The following EDIL3 variants were observed in gnomAD, a reference collection of about 807,000 sequenced individuals.
The protein encoded by EDIL3 is EGF like and discoidin domains 3.
Under a neutral mutation model 67.4 loss-of-function variants are expected in EDIL3, and 37 were observed. The ratio of observed to expected loss-of-function variants is 0.55; its 90% CI spans 0.42 to 0.72. The LOEUF (loss-of-function observed/expected upper bound fraction) is 0.72, where lower values mean the gene tolerates loss of function less well. EDIL3 is among the 30% of genes least tolerant of loss of function. The probability of loss-of-function intolerance (pLI) is 0.00; values close to 1 mark genes in which losing one functional copy is unlikely to be tolerated. For missense variants in EDIL3, 527 were observed against 586.3 expected (o/e 0.90, Z 1.04); for synonymous variants, 195 against 196.3 (o/e 0.99, Z 0.05).
chr5:84,301,532 T>C (rs938069456), intron 1 of EDIL3, among the ~76,000 whole-genome samples: 9 of 152,186 alleles, frequency 5.9e-5, no homozygotes, highest in African/African-American at 2.2e-4. Flanking sequence ...AGAAATGGAA[T>C]GGTCAGCTCC....
At chr5:84,030,457 T>C (rs1033737737) in intron 9 of EDIL3, among the ~76,000 whole-genome samples, 2 of 151,856 alleles carry the variant, frequency 1.3e-5, no homozygotes, top group African/African-American at 4.9e-5. Flanking sequence ...TAAAAATGTC[T>C]TGTCTACTAA....
At chr5:84,117,935 ATGAGAATAGTGAC>A in intron 5 of EDIL3, among the ~76,000 whole-genome samples, 1 of 152,288 alleles carries the variant, frequency 6.6e-6, no homozygotes, top group African/African-American at 2.4e-5. Flanking sequence ...TTTTGTACAA[ATGAGAATAGTGAC>A]TGAATTTTCT....
intron 1 of EDIL3, among the ~76,000 whole-genome samples, chr5:84,339,096 T>C (rs971195734): frequency 3.0e-4 from 46 of 151,862 alleles, no homozygotes; most frequent in Admixed American, 1.2e-3. Context: ...TTTCTATACG[T>C]ACCAGATGCT....
chr5:84,113,790 G>T (rs1747615557), intron 5 of EDIL3, among the ~76,000 whole-genome samples: 1 of 152,144 alleles, frequency 6.6e-6, no homozygotes, highest in South Asian at 2.1e-4. Flanking sequence ...TCTTCAGAAT[G>T]AAAGGATTTC....
In EDIL3 at chr5:84,380,472, A is replaced by G. The variant is rs181915528; in HGVS notation, c.67+3836T>C. 7.2e-5 allele frequency among the ~76,000 whole-genome samples: 11 copies of G among 152,234 alleles called. 1 individual carries two copies. Among genetic ancestry groups the G allele is most frequent in the African/African-American group, 2.6e-4 (11 of 41,576 alleles). On this transcript the variant is annotated intron_variant, in intron 1 of 10. Transcript: ENST00000296591. The stretch of plus-strand genomic sequence containing the variant: ...TTTTACTCAGTATCCAAATGTTATG[A>G]TTTACTTCTGACTTGAACTGAGTTC...
chr5:84,228,366 G>C (rs1744494299), intron 3 of EDIL3, among the ~76,000 whole-genome samples: 1 of 152,106 alleles, frequency 6.6e-6, no homozygotes, highest in African/African-American at 2.4e-5. Flanking sequence ...CATACAGACA[G>C]AGTCTTTGGG....
intron 9 of EDIL3, among the ~76,000 whole-genome samples, chr5:83,995,299 C>T (rs879490331): frequency 2.0e-5 from 3 of 152,024 alleles, no homozygotes; most frequent in Non-Finnish European, 4.4e-5. Context: ...AGCGGAGATT[C>T]ATCACATTTG....
chr5:83,957,451 TA>T (rs548956293), intron 10 of EDIL3, among the ~76,000 whole-genome samples: 13 of 151,866 alleles, frequency 8.6e-5, no homozygotes, highest in Middle Eastern at 3.4e-3. Context: ...TTCAAGGTAT[TA>T]AACATTCAAA....
chr5:83,970,255 A>ATT (rs1377872383), intron 9 of EDIL3, among the ~76,000 whole-genome samples: 18 of 28,110 alleles, frequency 6.4e-4, no homozygotes, highest in East Asian at 2.2e-3. Flanking sequence ...AGTGTCACTA[A>ATT]TTATATATAT....
chr5:84,012,914 C>A (rs1193163739), intron 9 of EDIL3, among the ~76,000 whole-genome samples: 1 of 151,850 alleles, frequency 6.6e-6, no homozygotes. Flanking sequence ...TATATAAAAT[C>A]TATTAGGTAT....
At chr5:83,995,871 C>T (rs114823063) in intron 9 of EDIL3, among the ~76,000 whole-genome samples, 292 of 152,286 alleles carry the variant, frequency 1.9e-3, no homozygotes, top group African/African-American at 6.8e-3. Flanking sequence ...TCTTGACAGA[C>T]ATATTTTTTA....
intron 9 of EDIL3, among the ~76,000 whole-genome samples, chr5:83,985,923 G>T (rs1428079913): frequency 2.0e-5 from 3 of 151,920 alleles, no homozygotes; most frequent in Non-Finnish European, 2.9e-5. Flanking sequence ...GGGTCATTCT[G>T]ATGTTGGAAT....
intron 9 of EDIL3, chr5:84,047,528 T>C (rs1746245410): frequency 6.6e-6 from 1 of 152,120 alleles, no homozygotes; most frequent in Admixed American, 6.6e-5. Context: ...AATTGTTACA[T>C]GACTTTTTAT....
chr5:84,143,183 CA>C (rs1453077259), intron 4 of EDIL3, among the ~76,000 whole-genome samples: 1 of 151,996 alleles, frequency 6.6e-6, no homozygotes, highest in Non-Finnish European at 1.5e-5. Flanking sequence ...AATTATGTCA[CA>C]ATCAGAATTA....
rs764361528 is a variant in EDIL3, at chr5:84,384,417, C to A, written c.-43G>T. ...GTGACCCCGGCTGGTCAGGGGTCGT[C>A]GCGGAGGGCAGTGTAGCCGAGGTGG... On this transcript the variant is annotated 5_prime_UTR_variant, in exon 1 of 11. Coordinates refer to ENST00000296591, the MANE Select transcript of EDIL3 (RefSeq NM_005711.5). 9 of 1,608,270 alleles carry A rather than the reference C, an allele frequency of 5.6e-6. No individual in the cohort carries two copies. The African/African-American group carries it at 9.4e-5, about 17-fold the overall frequency.
At chr5:84,081,929 CACTG>C (rs1304235106) in intron 6 of EDIL3, among the ~76,000 whole-genome samples, 5 of 152,222 alleles carry the variant, frequency 3.3e-5, no homozygotes, top group African/African-American at 1.2e-4. Flanking sequence ...TTTGCCATCA[CACTG>C]AGTGGATTTC....
chr5:84,149,358 G>A (rs1176083240), intron 4 of EDIL3, among the ~76,000 whole-genome samples: 1 of 152,178 alleles, frequency 6.6e-6, no homozygotes, highest in Non-Finnish European at 1.5e-5. Context: ...ACTAGGCCAA[G>A]AGAACTGCCA....
At chr5:84,240,788 A>G (rs958667177) in intron 2 of EDIL3, among the ~76,000 whole-genome samples, 6 of 152,014 alleles carry the variant, frequency 3.9e-5, no homozygotes, top group Admixed American at 1.3e-4. Flanking sequence ...CTTGCTCCCA[A>G]TCCTCCCCAT....
chr5:84,206,252 G>A (rs993935215), intron 3 of EDIL3, among the ~76,000 whole-genome samples: 1 of 152,120 alleles, frequency 6.6e-6, no homozygotes, highest in Non-Finnish European at 1.5e-5. Flanking sequence ...CTGAGTTCTA[G>A]TTTGAGTGCA....
Sources: allele counts gnomAD v4.1 joint callset (sites outside exome capture counted in the v4.1 genomes callset), GRCh38; gene constraint gnomAD v4.1.1; transcripts MANE v1.5; gene names NCBI Gene and HGNC (gene_info 2026-07-23, HGNC 2026-07-21).